The following NELL1 variants were observed in gnomAD, a reference collection of about 807,000 sequenced individuals.
NELL1 encodes neural EGFL like 1, also known as protein kinase C-binding protein NELL1.
In NELL1, 76 loss-of-function variants were observed where a neutral mutation model predicts 107.4. The ratio of observed to expected loss-of-function variants is 0.71; its 90% CI spans 0.59 to 0.86. The LOEUF is 0.86. Ranked by LOEUF, NELL1 falls within the 40% of genes least tolerant of loss-of-function variation. NELL1 has a pLI of 0.00. For missense variants in NELL1, 1,024 were observed against 1,005.5 expected (o/e 1.02, Z -0.25); for synonymous variants, 353 against 341.2 (o/e 1.03, Z -0.38).
At chr11:20,956,113 G>A (rs1851165461) in intron 11 of NELL1, among the ~76,000 whole-genome samples, 1 of 152,156 alleles carries the variant, frequency 6.6e-6, no homozygotes, top group African/African-American at 2.4e-5. Context: ...CAGCTACTCT[G>A]GAGGCTGAGG....
Position 20,847,751 on chromosome 11 carries a change from C to A in NELL1, c.504C>A (p.Asn168Lys). ...ASHLLLHVDC[N>K]RIYERVIDPP... ...ATCTCCTGCTCCATGTCGACTGTAA[C>A]AGGTATTTCTTTGTCTTTGAGTGTT... Residue 168 changes from asparagine to lysine, a missense_variant and splice_region_variant, in exon 4 of 20, where the codon AAC (asparagine) becomes AAA (lysine). Physicochemically the swap from Asn to Lys is moderately conservative, Grantham distance 94. Coordinates refer to ENST00000357134, the MANE Select transcript of NELL1 (RefSeq NM_006157.5). The A allele has an allele frequency of 6.2e-7, 1 of 1,608,424 alleles. No individual in the cohort carries two copies.
intron 1 of NELL1, among the ~76,000 whole-genome samples, chr11:20,671,775 G>C (rs12225553): frequency 5.3e-5 from 6 of 112,740 alleles, no homozygotes; most frequent in South Asian, 3.2e-4. Flanking sequence ...AGATTGATGG[G>C]GGGGGTGGTG....
intron 15 of NELL1, among the ~76,000 whole-genome samples, chr11:21,377,208 A>G (rs992706681): frequency 6.6e-6 from 1 of 152,070 alleles, no homozygotes; most frequent in African/African-American, 2.4e-5. Flanking sequence ...TATTATTTTG[A>G]GGTGTGTTCC....
At chr11:20,738,233 G>T (rs1855807828) in intron 2 of NELL1, among the ~76,000 whole-genome samples, 1 of 152,128 alleles carries the variant, frequency 6.6e-6, no homozygotes, top group African/African-American at 2.4e-5. Context: ...GGTGGGTGGG[G>T]GGATTTTCAT....
At chr11:21,506,365 C>T (rs1416125612) in intron 15 of NELL1, among the ~76,000 whole-genome samples, 2 of 152,176 alleles carry the variant, frequency 1.3e-5, no homozygotes, top group Admixed American at 6.5e-5. Context: ...TCATGGTGCT[C>T]ATTCATGGTT....
chr11:21,406,514 A>G (rs1852240064), intron 15 of NELL1, among the ~76,000 whole-genome samples: 1 of 151,988 alleles, frequency 6.6e-6, no homozygotes, highest in East Asian at 1.9e-4. Flanking sequence ...TGAAATAAGG[A>G]TTATATTCTT....
intron 14 of NELL1, among the ~76,000 whole-genome samples, chr11:21,274,650 T>C (rs942132723): frequency 6.6e-6 from 1 of 152,178 alleles, no homozygotes; most frequent in Non-Finnish European, 1.5e-5. Context: ...TAGTTGGAAG[T>C]AAAGCACTCC....
intron 13 of NELL1, among the ~76,000 whole-genome samples, chr11:21,211,418 T>G (rs866511448): frequency 7.2e-5 from 11 of 152,240 alleles, no homozygotes; most frequent in Middle Eastern, 6.8e-3. Flanking sequence ...GGCACGTAGG[T>G]AAAGGCAAGA....
intron 12 of NELL1, among the ~76,000 whole-genome samples, chr11:21,096,947 GT>G (rs1477217272): frequency 6.6e-6 from 1 of 151,852 alleles, no homozygotes; most frequent in African/African-American, 2.4e-5. Flanking sequence ...CAACTCCTGG[GT>G]TTGAGTAATC....
rs372253055 is a variant in NELL1, at chr11:21,434,640, G to A, written c.1645+63692G>A. On this transcript the variant is annotated intron_variant, in intron 15 of 19. Coordinates refer to ENST00000357134, the MANE Select transcript of NELL1 (RefSeq NM_006157.5). ...CAGGTAGTGTGATGCCTCCAACTTT[G>A]TTCTTTTTGCTCAGCATTGCTTTGA... Among the ~76,000 whole-genome samples, 242 of 152,118 alleles carry A rather than the reference G, an allele frequency of 1.6e-3. 9 individuals are homozygous for A. In the South Asian group the frequency reaches 0.05, roughly 31 times the overall value.
rs868574345 is a variant in NELL1, at chr11:21,119,646, G to A, written c.1426+5932G>A. ...GGGAGTTTTTAGCCTTGGAATTTTC[G>A]TGTGGATTGAAATTGCGTTGTTTCT... On this transcript the variant is annotated intron_variant, in intron 13 of 19. Coordinates refer to ENST00000357134, the MANE Select transcript of NELL1 (RefSeq NM_006157.5). Among the ~76,000 whole-genome samples the A allele has an allele frequency of 1.5e-4, 23 of 152,122 alleles. No individual in the cohort carries two copies. In the South Asian group the frequency reaches 1.7e-3, roughly 11 times the overall value.
intron 15 of NELL1, among the ~76,000 whole-genome samples, chr11:21,522,693 G>T (rs895839133): frequency 6.6e-6 from 1 of 151,988 alleles, no homozygotes; most frequent in African/African-American, 2.4e-5. Context: ...AGTTATACTT[G>T]TACCCCATAA....
At chr11:20,706,350 G>A (rs1378121702) in intron 2 of NELL1, among the ~76,000 whole-genome samples, 3 of 152,068 alleles carry the variant, frequency 2.0e-5, no homozygotes, top group Admixed American at 6.6e-5. Context: ...AAAAAATGAT[G>A]AGTTCATGTC....
chr11:20,691,623 A>C (rs1226654021), intron 2 of NELL1, among the ~76,000 whole-genome samples: 1 of 152,094 alleles, frequency 6.6e-6, no homozygotes, highest in Admixed American at 6.6e-5. Context: ...CTTGCATCCC[A>C]GGGATGAAGC....
chr11:21,508,797 GA>G (rs79949030), intron 15 of NELL1, among the ~76,000 whole-genome samples: 4 of 148,458 alleles, frequency 2.7e-5, no homozygotes, highest in South Asian at 2.1e-4. Context: ...CTATGTTAAA[GA>G]AAAAAAAATG....
rs375426473 is a variant in NELL1, at chr11:21,178,173, C to T, written c.1427-51159C>T. Among the ~76,000 whole-genome samples the T allele has an allele frequency of 1.6e-3, 243 of 151,872 alleles. 10 individuals are homozygous for T. The highest frequency in any genetic ancestry group is 5.7e-3 in the African/African-American group (236 of 41,184). On this transcript the variant is annotated intron_variant, in intron 13 of 19. Transcript: ENST00000357134. Reference sequence around the variant, plus strand: ...TAGTGATCTAGTAAAAGAAGTACTACTAGATTTTTATGGCCCTGTTTTTCT... The same window carrying T: ...TAGTGATCTAGTAAAAGAAGTACTATTAGATTTTTATGGCCCTGTTTTTCT...
chr11:20,754,422 A>G (rs77935781), intron 2 of NELL1, among the ~76,000 whole-genome samples: 5,236 of 152,252 alleles, frequency 0.034, 301 homozygotes, highest in African/African-American at 0.12. Flanking sequence ...TGTGGTTTGT[A>G]TATATAATTT....
chr11:20,765,426 C>G (rs2133962260), intron 2 of NELL1, among the ~76,000 whole-genome samples: 1 of 152,272 alleles, frequency 6.6e-6, no homozygotes. Flanking sequence ...CAGTGGTGAG[C>G]TTCCATGCAG....
At chr11:20,712,271 T>C (rs1855132599) in intron 2 of NELL1, among the ~76,000 whole-genome samples, 1 of 152,128 alleles carries the variant, frequency 6.6e-6, no homozygotes. Flanking sequence ...TGTTTTGTAT[T>C]TCTTTAAGTG....
Sources: allele counts gnomAD v4.1 joint callset (sites outside exome capture counted in the v4.1 genomes callset), GRCh38; gene constraint gnomAD v4.1.1; transcripts MANE v1.5; gene names NCBI Gene and HGNC (gene_info 2026-07-23, HGNC 2026-07-21).